RADIL: variants seen among roughly 807,000 people sequenced by gnomAD.
The protein encoded by RADIL is ras-associating and dilute domain-containing protein.
In RADIL, 99 loss-of-function variants were observed where a neutral mutation model predicts 97.6. The ratio of observed to expected loss-of-function variants is 1.01; its 90% confidence interval spans 0.86 to 1.20. The LOEUF (loss-of-function observed/expected upper bound fraction) is 1.20, where lower values mean the gene tolerates loss of function less well. Among genes scored for constraint, RADIL ranks in the 50% most tolerant of loss-of-function variants. The pLI is 0.00. For synonymous variants in RADIL, 803 were observed against 691.8 expected (o/e 1.16, Z -2.52); for missense variants, 1,765 against 1,498.9 (o/e 1.18, Z -2.93).
chr7:4,869,816 A>G (rs763985770), intron 2 of RADIL, among the ~76,000 whole-genome samples: 1 of 152,060 alleles, frequency 6.6e-6, no homozygotes, highest in South Asian at 2.1e-4. Flanking sequence ...TAGGCATTCG[A>G]GAATCTGACT....
At chr7:4,853,772 G>A (rs761351306) in intron 2 of RADIL, among the ~76,000 whole-genome samples, 5 of 151,382 alleles carry the variant, frequency 3.3e-5, no homozygotes, top group Admixed American at 6.6e-5. Context: ...TACGCTGGGT[G>A]TACATGGAAA....
At position 4,821,851 on chromosome 7, in the gene RADIL, G is replaced by A. The variant is rs566458140; in HGVS notation, c.1615+543C>T. 6.6e-6 allele frequency among the ~76,000 whole-genome samples: 1 copy of A among 151,994 alleles called. No individual in the cohort carries two copies. The highest frequency in any genetic ancestry group is 1.5e-5 in the Non-Finnish European group (1 of 68,002). On this transcript the variant is annotated intron_variant, in intron 6 of 14. Coordinates refer to ENST00000399583, the MANE Select transcript of RADIL (RefSeq NM_018059.5). This position sits in a 1 kb window ranked among gnomAD's most constrained non-coding sequence, Gnocchi z 5.2. ...AGCCTGGGTGACAGAGCGAGACTCCGTCTCAAAAAAAGAAAAAGAAATCCC... is the reference window on the plus strand; with the variant it reads ...AGCCTGGGTGACAGAGCGAGACTCCATCTCAAAAAAAGAAAAAGAAATCCC...
At position 4,814,141 on chromosome 7, in the gene RADIL, G is replaced by A. The variant is rs747106572; in HGVS notation, c.2139+1137C>T. On this transcript the variant is annotated intron_variant, in intron 9 of 14. Transcript: ENST00000399583. This position sits in a 1 kb window ranked among gnomAD's most constrained non-coding sequence, Gnocchi z 4.5. ...CATCTGCTTTCTGCCTTCCAAAATC[G>A]CATTGCTTTTGCCTCCTCTAGATTT... is the stretch of plus-strand genomic sequence containing the variant. Among the ~76,000 whole-genome samples, 5 of 152,042 alleles carry A rather than the reference G, an allele frequency of 3.3e-5. No individual in the cohort carries two copies. The highest frequency in any genetic ancestry group is 2.1e-4 in the South Asian group (1 of 4,818).
chr7:4,865,946 G>A, intron 2 of RADIL: 1 of 579,216 alleles, frequency 1.7e-6, no homozygotes, highest in Non-Finnish European at 3.1e-6. Context: ...TGTAACCTAG[G>A]AGCAATAGGC....
chr7:4,798,703 T>C lies in RADIL; in HGVS notation c.*675A>G, dbSNP rs1781983117. On this transcript the variant is annotated 3_prime_UTR_variant, in exon 15 of 15. Coordinates refer to ENST00000399583, the MANE Select transcript of RADIL (RefSeq NM_018059.5). ...GGTATCAGGGCCACGCTGGTGGCTTTAGTAGGGGAGAGGAACTCAGGAGGG... is the reference window on the plus strand; with the variant it reads ...GGTATCAGGGCCACGCTGGTGGCTTCAGTAGGGGAGAGGAACTCAGGAGGG... 6.6e-6 allele frequency: 1 copy of C among 152,488 alleles called. No individual in the cohort carries two copies. Among genetic ancestry groups the C allele is most frequent in the Admixed American group, 6.5e-5 (1 of 15,280 alleles). 9.4% of individuals were successfully genotyped at this position (152,488 alleles called of 1,614,324 possible).
rs867228239 is a variant in RADIL, at chr7:4,860,037, C to T, written c.535+17568G>A. ...TGAGAGACAGCGTGAGGAATACTTT[C>T]GTTTAATGCAACCCCTGAACTTTCA... On this transcript the variant is annotated intron_variant, in intron 2 of 14. Transcript: ENST00000399583. The T allele has an allele frequency of 9.3e-6, 15 of 1,613,874 alleles. No individual in the cohort carries two copies. The Admixed American group carries it at 1.3e-4, about 14-fold the overall frequency.
chr7:4,805,959 C>G (rs1583263409), intron 9 of RADIL: 1 of 985,434 alleles, frequency 1.0e-6, no homozygotes, highest in Non-Finnish European at 1.2e-6. Flanking sequence ...CCCAGGGAAC[C>G]CACCCCCGTC....
At position 4,821,559 on chromosome 7, in the gene RADIL, G is replaced by A. The variant is rs548974255; in HGVS notation, c.1615+835C>T. On this transcript the variant is annotated intron_variant, in intron 6 of 14. Coordinates refer to ENST00000399583, the MANE Select transcript of RADIL (RefSeq NM_018059.5). The surrounding 1 kb of genome is among the most constrained non-coding windows in gnomAD (Gnocchi z 5.2). ...TAGTATTTTCAGAACACTTCCTACT[G>A]CATTTCAGAAATCCTGAAATGGTGG... is the stretch of plus-strand genomic sequence containing the variant. Among the ~76,000 whole-genome samples, 16 of 152,254 alleles carry A rather than the reference G, an allele frequency of 1.1e-4. No individual in the cohort carries two copies. The highest frequency in any genetic ancestry group is 4.6e-4 in the Admixed American group (7 of 15,294).
chr7:4,850,596 A>C (rs1436352506), intron 2 of RADIL, among the ~76,000 whole-genome samples: 1 of 152,216 alleles, frequency 6.6e-6, no homozygotes, highest in Non-Finnish European at 1.5e-5. Context: ...TCTCCAGGGC[A>C]TCACGGGGCA....
chr7:4,798,137 C>CTATATATA lies in RADIL; in HGVS notation c.*1233_*1240dup, dbSNP rs111926305. Reference sequence around the variant, plus strand: ...CATATCTTAAATATATATACAAACACTATATATATATATATATTTTATCCA... The same window carrying CTATATATA: ...CATATCTTAAATATATATACAAACACTATATATATATATATATATATATATTTTATCCA... On this transcript the variant is annotated 3_prime_UTR_variant, in exon 15 of 15. Coordinates refer to ENST00000399583, the MANE Select transcript of RADIL (RefSeq NM_018059.5). 2.0e-5 allele frequency: 3 copies of CTATATATA among 146,650 alleles called. No individual in the cohort carries two copies. Among genetic ancestry groups the CTATATATA allele is most frequent in the African/African-American group, 7.4e-5 (3 of 40,374 alleles). The allele number at this position is 146,650 out of a possible 1,614,324, so 9.1% of individuals were successfully genotyped here.
Position 4,883,219 on chromosome 7 carries a change from C to T in RADIL, c.-65+377G>A, listed in dbSNP as rs1335923631. Among the ~76,000 whole-genome samples the T allele has an allele frequency of 5.9e-5, 9 of 152,198 alleles. No homozygotes were observed. The East Asian group carries it at 1.8e-3, about 30-fold the overall frequency. On this transcript the variant is annotated intron_variant, in intron 1 of 14. Transcript: ENST00000399583. The surrounding 1 kb of genome is among the most constrained non-coding windows in gnomAD (Gnocchi z 7.1). ...CCCGCTGCGCGCCCCGGACGAAGCT[C>T]CCCCTCCAGGGCACAGCCGGGAAAA... is the stretch of plus-strand genomic sequence containing the variant.
At chr7:4,829,925 C>A (rs946024507) in intron 5 of RADIL, among the ~76,000 whole-genome samples, 1 of 152,158 alleles carries the variant, frequency 6.6e-6, no homozygotes, top group African/African-American at 2.4e-5. Flanking sequence ...TGAGAACAGA[C>A]TAATAAAGGC....
Position 4,854,647 on chromosome 7 carries a change from T to C in RADIL, c.536-18042A>G, listed in dbSNP as rs1006996802. ...AGGCAAAGGTTGCAGTGAGCCGAGATGGCGCCACCGCACTCCACCCTGGGC... is the reference window on the plus strand; with the variant it reads ...AGGCAAAGGTTGCAGTGAGCCGAGACGGCGCCACCGCACTCCACCCTGGGC... On this transcript the variant is annotated intron_variant, in intron 2 of 14. Transcript: ENST00000399583. The surrounding 1 kb of genome is among the most constrained non-coding windows in gnomAD (Gnocchi z 5.1). Among the ~76,000 whole-genome samples, 37 of 152,116 alleles carry C rather than the reference T, an allele frequency of 2.4e-4. No homozygotes were observed. Among genetic ancestry groups the C allele is most frequent in the African/African-American group, 8.9e-4 (37 of 41,410 alleles).
At chr7:4,876,827 G>C (rs941983268) in intron 2 of RADIL, among the ~76,000 whole-genome samples, 1 of 152,158 alleles carries the variant, frequency 6.6e-6, no homozygotes, top group Non-Finnish European at 1.5e-5. Context: ...ACAGACCCGC[G>C]GTACGCTGAG....
In RADIL at chr7:4,821,495, C is replaced by T. The variant is rs1022047367; in HGVS notation, c.1615+899G>A. On this transcript the variant is annotated intron_variant, in intron 6 of 14. Transcript: ENST00000399583. The surrounding 1 kb of genome is among the most constrained non-coding windows in gnomAD (Gnocchi z 5.2). The stretch of plus-strand genomic sequence containing the variant: ...GCCCGGCCCCATGCCACCTTCCTCT[C>T]GAAGCCCCCTAGACTGCCCCGATGG... 1.3e-5 allele frequency among the ~76,000 whole-genome samples: 2 copies of T among 152,192 alleles called. No homozygotes were observed. The highest frequency in any genetic ancestry group is 1.9e-4 in the East Asian group (1 of 5,196).
At chr7:4,808,330 T>C (rs1562429981) in intron 9 of RADIL, among the ~76,000 whole-genome samples, 1 of 152,048 alleles carries the variant, frequency 6.6e-6, no homozygotes, top group East Asian at 2.0e-4. Context: ...AAGACCGCTC[T>C]TGTTCTCTCA....
intron 2 of RADIL, among the ~76,000 whole-genome samples, chr7:4,876,460 C>A (rs1240765628): frequency 6.6e-6 from 1 of 152,030 alleles, no homozygotes; most frequent in African/African-American, 2.4e-5. Context: ...GCCACCACGC[C>A]CGGCTAATTT....
Position 4,799,304 on chromosome 7 carries a change from C to A in RADIL, c.*74G>T. 1 of 1,474,578 alleles carries A rather than the reference C, an allele frequency of 6.8e-7. No homozygotes were observed. The highest frequency in any genetic ancestry group is 9.4e-7 in the Non-Finnish European group (1 of 1,063,002). 91.3% of individuals were successfully genotyped at this position (1,474,578 alleles called of 1,614,324 possible). On this transcript the variant is annotated 3_prime_UTR_variant, in exon 15 of 15. Coordinates refer to ENST00000399583, the MANE Select transcript of RADIL (RefSeq NM_018059.5). The stretch of plus-strand genomic sequence containing the variant: ...AACTTGGTCAGTTACAAAACAGGGA[C>A]GAAGGCGGGAGGAAGCCCAGTGTCA...
chr7:4,859,896 A>C (rs1173544028), intron 2 of RADIL: 3 of 1,582,028 alleles, frequency 1.9e-6, no homozygotes, highest in Non-Finnish European at 2.6e-6. Context: ...CTAGACTCCA[A>C]CTATAGGATT....
Sources: gnomAD v4.1 joint callset for allele counts (sites outside exome capture counted in the v4.1 genomes callset) on GRCh38, gnomAD v4.1.1 for gene constraint, Gnocchi (gnomAD v3.1) non-coding constraint, MANE v1.5 for transcripts, NCBI Gene and HGNC (gene_info 2026-07-23, HGNC 2026-07-21) for gene names.